The following KIRREL3 variants were observed in gnomAD, a reference collection of about 807,000 sequenced individuals.
KIRREL3 encodes the protein kirre like nephrin family adhesion molecule 3.
A neutral mutation model predicts 89.7 loss-of-function variants in KIRREL3; 36 were observed. That is an observed-to-expected ratio of 0.40 (90% confidence interval 0.31 to 0.53). The LOEUF (loss-of-function observed/expected upper bound fraction) is 0.53, where lower values mean the gene tolerates loss of function less well. Among genes scored for constraint, KIRREL3 ranks in the 20% least tolerant of loss-of-function variants. The pLI is 0.49. For synonymous variants in KIRREL3, 445 were observed against 441.4 expected, an observed-to-expected ratio of 1.01 and a Z score of -0.10; for missense variants, 864 against 1,056.6, an observed-to-expected ratio of 0.82 and a Z score of 2.53.
intron 2 of KIRREL3, among the ~76,000 whole-genome samples, chr11:126,542,189 G>T (rs1049582236): frequency 1.3e-5 from 2 of 152,252 alleles, no homozygotes; most frequent in Non-Finnish European, 2.9e-5. Context: ...AGCACGAGGT[G>T]CCTTGGTCTT....
chr11:126,719,069 C>T lies in KIRREL3; in HGVS notation c.56-156157G>A, dbSNP rs1023209228. ...TCATGTTTGTTTTCCTCCTGCTATACCTCCTTTGCTGTGTTCTCTTTTACA... is the reference window on the plus strand; with the variant it reads ...TCATGTTTGTTTTCCTCCTGCTATATCTCCTTTGCTGTGTTCTCTTTTACA... On this transcript the variant is annotated intron_variant, in intron 1 of 16. Coordinates refer to ENST00000525144, the MANE Select transcript of KIRREL3 (RefSeq NM_032531.4). This position sits in a 1 kb window ranked among gnomAD's most constrained non-coding sequence, Gnocchi z 4.7. 2.6e-5 allele frequency among the ~76,000 whole-genome samples: 4 copies of T among 152,222 alleles called. No homozygotes were observed. The highest frequency in any genetic ancestry group is 4.4e-5 in the Non-Finnish European group (3 of 68,056).
rs1365016117 is a variant in KIRREL3, at chr11:126,748,138, T to A, written c.56-185226A>T. Among the ~76,000 whole-genome samples, 3 of 152,200 alleles carry A rather than the reference T, an allele frequency of 2.0e-5. No individual in the cohort carries two copies. The highest frequency in any genetic ancestry group is 7.2e-5 in the African/African-American group (3 of 41,456). On this transcript the variant is annotated intron_variant, in intron 1 of 16. Transcript: ENST00000525144. This position sits in a 1 kb window ranked among gnomAD's most constrained non-coding sequence, Gnocchi z 4.6. Reference sequence around the variant, plus strand: ...GAAAAGCTGAATTGTTTTTATGTTATTCCCGTTCCAGTGACTTCAGAGGTG... The same window carrying A: ...GAAAAGCTGAATTGTTTTTATGTTAATCCCGTTCCAGTGACTTCAGAGGTG...
At chr11:126,884,210 C>G (rs768268603) in intron 1 of KIRREL3, among the ~76,000 whole-genome samples, 1 of 152,198 alleles carries the variant, frequency 6.6e-6, no homozygotes, top group African/African-American at 2.4e-5. Flanking sequence ...AAATTCTGTT[C>G]AGTAACATGG....
At chr11:126,841,875 G>A (rs1170858881) in intron 1 of KIRREL3, among the ~76,000 whole-genome samples, 2 of 152,104 alleles carry the variant, frequency 1.3e-5, no homozygotes, top group Non-Finnish European at 2.9e-5. Context: ...AATCCTCCAG[G>A]AAAAGACAAA....
chr11:126,866,165 G>T (rs1007376409), intron 1 of KIRREL3, among the ~76,000 whole-genome samples: 2 of 152,238 alleles, frequency 1.3e-5, no homozygotes, highest in African/African-American at 2.4e-5. Context: ...TGATGGGGGA[G>T]GGAGGCCGAC....
In KIRREL3 at chr11:126,974,204, A is replaced by G. The variant is rs148788636; in HGVS notation, c.55+26251T>C. ...GTCCATCTCTTTGTTTCAAATGTTT[A>G]CTCCTCTTTTCTATAGAGCTCATCA... On this transcript the variant is annotated intron_variant, in intron 1 of 16. Transcript: ENST00000525144. Among the ~76,000 whole-genome samples the G allele has an allele frequency of 6.8e-4, 104 of 152,166 alleles. 1 individual carries two copies. Among genetic ancestry groups the G allele is most frequent in the African/African-American group, 2.4e-3 (100 of 41,504 alleles).
rs879584222 is a variant in KIRREL3, at chr11:126,705,130, A to G, written c.56-142218T>C. On this transcript the variant is annotated intron_variant, in intron 1 of 16. Transcript: ENST00000525144. The surrounding 1 kb of genome is among the most constrained non-coding windows in gnomAD (Gnocchi z 4.3). ...TTCAAAAAATGTACACATTTATAGTAAGAATACAAACAGTACAAAGATGTC... is the reference window on the plus strand; with the variant it reads ...TTCAAAAAATGTACACATTTATAGTGAGAATACAAACAGTACAAAGATGTC... 2.6e-5 allele frequency among the ~76,000 whole-genome samples: 4 copies of G among 152,228 alleles called. No individual in the cohort carries two copies. Among genetic ancestry groups the G allele is most frequent in the Non-Finnish European group, 5.9e-5 (4 of 68,036 alleles).
chr11:126,440,421 C>T, intron 11 of KIRREL3, 28 bp downstream of exon 11: 1 of 1,547,040 alleles, frequency 6.5e-7, no homozygotes, highest in Non-Finnish European at 8.7e-7. Flanking sequence ...CTGGCCCGGC[C>T]CCCGCCCGCC....
At chr11:126,613,573 A>G (rs749405144) in intron 1 of KIRREL3, among the ~76,000 whole-genome samples, 32 of 151,778 alleles carry the variant, frequency 2.1e-4, no homozygotes, top group Non-Finnish European at 3.8e-4. Context: ...TTTCCCATTT[A>G]TTTTGTGTGT....
At position 126,918,802 on chromosome 11, in the gene KIRREL3, C is replaced by A. The variant is rs1323603498; in HGVS notation, c.55+81653G>T. On this transcript the variant is annotated intron_variant, in intron 1 of 16. Transcript: ENST00000525144. This position sits in a 1 kb window ranked among gnomAD's most constrained non-coding sequence, Gnocchi z 6.5. ...AGGGTGTGCAAGGCCTTCCTGATGT[C>A]TGCATGTTATAAAGAATGGGGAGCT... Among the ~76,000 whole-genome samples, 6 of 152,116 alleles carry A rather than the reference C, an allele frequency of 3.9e-5. No homozygotes were observed. The highest frequency in any genetic ancestry group is 8.8e-5 in the Non-Finnish European group (6 of 68,024).
chr11:126,450,429 A>T (rs551920549), intron 7 of KIRREL3, among the ~76,000 whole-genome samples: 1 of 117,238 alleles, frequency 8.5e-6, no homozygotes, highest in East Asian at 2.6e-4. Context: ...GTGGGCATGT[A>T]TGTGTCCATG....
rs11220559 is a variant in KIRREL3, at chr11:126,620,087, T to G, written c.56-57175A>C. On this transcript the variant is annotated intron_variant, in intron 1 of 16. Coordinates refer to ENST00000525144, the MANE Select transcript of KIRREL3 (RefSeq NM_032531.4). This position sits in a 1 kb window ranked among gnomAD's most constrained non-coding sequence, Gnocchi z 4.8. ...TCTCTCTGCTGCAACTTCCACTGTTTTGCTGTTTGCCCACACAGTGGGCAA... is the reference window on the plus strand; with the variant it reads ...TCTCTCTGCTGCAACTTCCACTGTTGTGCTGTTTGCCCACACAGTGGGCAA... Among the ~76,000 whole-genome samples, 12,463 of 152,298 alleles carry G rather than the reference T, an allele frequency of 0.082. 699 individuals carry two copies. The highest frequency in any genetic ancestry group is 0.22 in the East Asian group (1,119 of 5,184).
intron 1 of KIRREL3, among the ~76,000 whole-genome samples, chr11:126,759,595 G>T (rs1476588748): frequency 6.6e-6 from 1 of 152,194 alleles, no homozygotes; most frequent in Non-Finnish European, 1.5e-5. Context: ...CATCGTGCTG[G>T]CCAGGAAGAT....
rs555019063 is a variant in KIRREL3 at position 126,779,546 on chromosome 11, G to T, written c.56-216634C>A. On this transcript the variant is annotated intron_variant, in intron 1 of 16. Transcript: ENST00000525144. ...CAATCATTATAACACATCTCTCATT[G>T]CACTGTAATAATTGTTTTTATGTGT... 4.7e-4 allele frequency among the ~76,000 whole-genome samples: 72 copies of T among 152,094 alleles called. 1 individual carries two copies. Among genetic ancestry groups the T allele is most frequent in the South Asian group, 8.3e-4 (4 of 4,816 alleles).
chr11:126,549,324 G>A (rs1472148576), intron 2 of KIRREL3: 1 of 152,326 alleles, frequency 6.6e-6, no homozygotes, highest in African/African-American at 2.4e-5. Context: ...AAGGCACAGG[G>A]AAGAAAGCAG....
At chr11:126,591,736 T>C (rs1942143634) in intron 1 of KIRREL3, among the ~76,000 whole-genome samples, 1 of 152,220 alleles carries the variant, frequency 6.6e-6, no homozygotes, top group Non-Finnish European at 1.5e-5. Flanking sequence ...TCACCTGCCA[T>C]GTCCTAGATA....
chr11:126,794,659 G>A (rs1207208914), intron 1 of KIRREL3, among the ~76,000 whole-genome samples: 1 of 152,252 alleles, frequency 6.6e-6, no homozygotes, highest in Non-Finnish European at 1.5e-5. Context: ...TGAATGCAAA[G>A]TGGTACGGCC....
In KIRREL3 at chr11:126,957,774, C is replaced by T. The variant is rs137920973; in HGVS notation, c.55+42681G>A. 5.1e-3 allele frequency among the ~76,000 whole-genome samples: 779 copies of T among 152,322 alleles called. 6 individuals carry two copies. The highest frequency in any genetic ancestry group is 0.017 in the African/African-American group (706 of 41,568). Reference sequence around the variant, plus strand: ...ACATCTGTGTACACAGACAGTTAGGCATAGGCGGAGAACCAGATGTCTGGT... The same window carrying T: ...ACATCTGTGTACACAGACAGTTAGGTATAGGCGGAGAACCAGATGTCTGGT... On this transcript the variant is annotated intron_variant, in intron 1 of 16. Transcript: ENST00000525144.
In KIRREL3 at chr11:126,643,037, A is replaced by G. The variant is rs1944532716; in HGVS notation, c.56-80125T>C. 7.5e-6 allele frequency among the ~76,000 whole-genome samples: 1 copy of G among 134,176 alleles called. No homozygotes were observed. Among genetic ancestry groups the G allele is most frequent in the Non-Finnish European group, 1.6e-5 (1 of 62,174 alleles). 88.0% of individuals were successfully genotyped at this position (134,176 alleles called of 152,430 possible). On this transcript the variant is annotated intron_variant, in intron 1 of 16. Coordinates refer to ENST00000525144, the MANE Select transcript of KIRREL3 (RefSeq NM_032531.4). This position sits in a 1 kb window ranked among gnomAD's most constrained non-coding sequence, Gnocchi z 4.5. Reference sequence around the variant, plus strand: ...ATCCATCTATCCATCCATCCAATGCAAGGCATATTGTAATAAAGGAGACAC... The same window carrying G: ...ATCCATCTATCCATCCATCCAATGCGAGGCATATTGTAATAAAGGAGACAC...
Sources: allele counts gnomAD v4.1 joint callset (sites outside exome capture counted in the v4.1 genomes callset), GRCh38; gene constraint gnomAD v4.1.1; non-coding constraint Gnocchi (gnomAD v3.1); transcripts MANE v1.5; gene names NCBI Gene and HGNC (gene_info 2026-07-23, HGNC 2026-07-21).